Variants in SMCHD1 observed in about 807,000 individuals in gnomAD.
SMCHD1 encodes the protein structural maintenance of chromosomes flexible hinge domain containing 1.
SMCHD1 carries 78 observed loss-of-function variants against 254.7 expected under a neutral mutation model. That is an observed-to-expected ratio of 0.31 (90% CI 0.26 to 0.37). SMCHD1 has a LOEUF of 0.37. SMCHD1 is among the 10% of genes least tolerant of loss of function. The probability of loss-of-function intolerance (pLI) is 1.00; values close to 1 mark genes in which losing one functional copy is unlikely to be tolerated. For synonymous variants in SMCHD1, 766 were observed against 794.9 expected, an observed-to-expected ratio of 0.96 and a Z score of 0.61; for missense variants, 1,840 against 2,408.1, an observed-to-expected ratio of 0.76 and a Z score of 4.94.
chr18:2,789,382 C>A (rs1215597002), intron 45 of SMCHD1, among the ~76,000 whole-genome samples: 1 of 152,030 alleles, frequency 6.6e-6, no homozygotes, highest in Non-Finnish European at 1.5e-5. Flanking sequence ...ATGTTAAATC[C>A]TTTAATTGAA....
At chr18:2,666,455 A>G (rs991652621) in intron 2 of SMCHD1, among the ~76,000 whole-genome samples, 2 of 152,212 alleles carry the variant, frequency 1.3e-5, no homozygotes, top group Non-Finnish European at 2.9e-5. Context: ...GCTACAGAAG[A>G]TGATTCTGCC....
chr18:2,672,257 C>G (rs1295074079), intron 3 of SMCHD1, among the ~76,000 whole-genome samples: 1 of 152,048 alleles, frequency 6.6e-6, no homozygotes, highest in Non-Finnish European at 1.5e-5. Context: ...GATAGAGTCT[C>G]GCTCTGTTGC....
intron 1 of SMCHD1, among the ~76,000 whole-genome samples, chr18:2,665,874 A>T (rs2073421760): frequency 1.3e-5 from 2 of 152,146 alleles, no homozygotes; most frequent in Admixed American, 1.3e-4. Context: ...GGTCCTGCTG[A>T]TGATGTTAAA....
chr18:2,784,745 T>A, intron 45 of SMCHD1, 124 bp downstream of exon 45: 1 of 1,130,038 alleles, frequency 8.8e-7, no homozygotes, highest in Non-Finnish European at 1.3e-6. Flanking sequence ...CAAATGTAAG[T>A]AAGATGTTTT....
At position 2,779,962 on chromosome 18, in the gene SMCHD1, G is replaced by A. The variant is rs114031892; in HGVS notation, c.5547+1723G>A. ...CGTTAAGAAGCAATAATAGGGCACC[G>A]GGTACAGTGGCTCCTGCCTGTAATC... On this transcript the variant is annotated intron_variant, in intron 44 of 47. Coordinates refer to ENST00000320876, the MANE Select transcript of SMCHD1 (RefSeq NM_015295.3). Among the ~76,000 whole-genome samples, 1,146 of 152,206 alleles carry A rather than the reference G, an allele frequency of 7.5e-3. 15 individuals carry two copies. Among genetic ancestry groups the A allele is most frequent in the African/African-American group, 0.022 (920 of 41,534 alleles).
At chr18:2,734,315 C>T (rs573433126) in intron 25 of SMCHD1, among the ~76,000 whole-genome samples, 2 of 152,270 alleles carry the variant, frequency 1.3e-5, no homozygotes, top group South Asian at 4.1e-4. Flanking sequence ...TCCATTTCCT[C>T]CTCTCTTAAG....
intron 3 of SMCHD1, chr18:2,672,928 G>C: frequency 3.4e-6 from 1 of 290,686 alleles, no homozygotes; most frequent in Non-Finnish European, 5.1e-6. Flanking sequence ...CTTTGGACTT[G>C]TGCTTGATGT....
Position 2,750,063 on chromosome 18 carries a change from G to A in SMCHD1, c.3948G>A (p.Gln1316=), listed in dbSNP as rs776456103. ...SNLKLMPSNQ[Q]HKTDEKGRAN... is the part of the protein sequence containing the mutation. ...TTTAGCTCATGCCTTCAAACCAACA[G>A]CATAAAACAGATGAGAAAGGCAGGG... is the stretch of plus-strand genomic sequence containing the variant. Residue 1316 remains glutamine (Q), a synonymous_variant, in exon 31 of 48, where the codon CAG becomes CAA. Transcript: ENST00000320876. 1.3e-6 allele frequency: 2 copies of A among 1,570,812 alleles called. No homozygotes were observed. The highest frequency in any genetic ancestry group is 1.9e-5 in the Admixed American group (1 of 53,180).
At chr18:2,782,957 C>T (rs2076181175) in intron 44 of SMCHD1, among the ~76,000 whole-genome samples, 1 of 152,008 alleles carries the variant, frequency 6.6e-6, no homozygotes, top group Non-Finnish European at 1.5e-5. Flanking sequence ...TAAATACTGG[C>T]TTTACCAAAG....
At chr18:2,673,616 G>A (rs768176721) in intron 4 of SMCHD1, among the ~76,000 whole-genome samples, 2 of 151,972 alleles carry the variant, frequency 1.3e-5, no homozygotes, top group Non-Finnish European at 2.9e-5. Context: ...TATCATGAAT[G>A]TTCTGCAATA....
At chr18:2,765,130 A>AT (rs1384158815) in intron 37 of SMCHD1, among the ~76,000 whole-genome samples, 1 of 151,998 alleles carries the variant, frequency 6.6e-6, no homozygotes, top group African/African-American at 2.4e-5. Context: ...TAGAATTTTC[A>AT]TTTTTTTCTT....
At chr18:2,753,194 T>G (rs1422769453) in intron 34 of SMCHD1, 2 of 152,244 alleles carry the variant, frequency 1.3e-5, no homozygotes, top group African/African-American at 4.8e-5. Context: ...CATACATCTC[T>G]ATAGTCTCTG....
At chr18:2,693,200 ATAGTT>A (rs1435914844) in intron 7 of SMCHD1, among the ~76,000 whole-genome samples, 4 of 152,206 alleles carry the variant, frequency 2.6e-5, no homozygotes, top group Non-Finnish European at 5.9e-5. Flanking sequence ...CCTAGATAGA[ATAGTT>A]TAGTCTGTTT....
chr18:2,676,433 A>G (rs1009295898), intron 5 of SMCHD1, among the ~76,000 whole-genome samples: 1 of 152,212 alleles, frequency 6.6e-6, no homozygotes, highest in African/African-American at 2.4e-5. Context: ...AGAAGAAAGT[A>G]GCCAAATAAA....
intron 37 of SMCHD1, 115 bp from the exon 38 acceptor site, chr18:2,769,579 G>A (rs2075937333): frequency 9.2e-7 from 1 of 1,082,398 alleles, no homozygotes; most frequent in East Asian, 2.6e-5. Flanking sequence ...CTATGCCTTT[G>A]GCCTTTAAAA....
intron 5 of SMCHD1, among the ~76,000 whole-genome samples, chr18:2,674,776 G>T (rs1007042416): frequency 5.3e-5 from 8 of 152,162 alleles, no homozygotes; most frequent in African/African-American, 1.9e-4. Context: ...CAACATACTT[G>T]GGAAGAGTCT....
At chr18:2,769,892 A>G (rs1310106658) in intron 38 of SMCHD1, 72 bp downstream of exon 38, 5 of 1,546,514 alleles carry the variant, frequency 3.2e-6, no homozygotes, top group East Asian at 2.3e-5. Flanking sequence ...TTTGCTTTCC[A>G]TTAACTTGGT....
chr18:2,691,950 G>A (rs550386377), intron 7 of SMCHD1: 1 of 152,338 alleles, frequency 6.6e-6, no homozygotes, highest in African/African-American at 2.4e-5. Flanking sequence ...CTGAAACCTG[G>A]TTACTGATCT....
intron 14 of SMCHD1, among the ~76,000 whole-genome samples, 190 bp downstream of exon 14, chr18:2,705,997 T>C (rs2074505010): frequency 6.6e-6 from 1 of 152,184 alleles, no homozygotes; most frequent in Non-Finnish European, 1.5e-5. Flanking sequence ...ATATGCTCAG[T>C]TTTTGTAAAC....
Sources: allele counts gnomAD v4.1 joint callset (sites outside exome capture counted in the v4.1 genomes callset), GRCh38; gene constraint gnomAD v4.1.1; transcripts MANE v1.5; gene names NCBI Gene and HGNC (gene_info 2026-07-23, HGNC 2026-07-21).